The following KIF26B variants were observed in gnomAD, a reference collection of about 807,000 sequenced individuals.
KIF26B encodes kinesin family member 26B.
Under a neutral mutation model 151.2 loss-of-function variants are expected in KIF26B, and 63 were observed. The observed-to-expected ratio is 0.42, with a 90% CI of 0.34 to 0.51. The LOEUF is 0.51. Ranked by LOEUF, KIF26B falls within the 20% of genes least tolerant of loss-of-function variation. KIF26B has a pLI of 0.07. For synonymous variants in KIF26B, 1,357 were observed against 1,262.1 expected, an observed-to-expected ratio of 1.08 and a Z score of -1.59; for missense variants, 2,813 against 2,913.6, an observed-to-expected ratio of 0.97 and a Z score of 0.79.
chr1:245,471,779 C>T lies in KIF26B; in HGVS notation c.1166+52034C>T, dbSNP rs373558751. ...TAGAGCAATAAAGACAAGCCCCCTG[C>T]TCTCTTAGATCTTACTTTTTTTTTT... On this transcript the variant is annotated intron_variant, in intron 4 of 14. Coordinates refer to ENST00000407071, the MANE Select transcript of KIF26B (RefSeq NM_018012.4). Among the ~76,000 whole-genome samples, 4 of 146,150 alleles carry T rather than the reference C, an allele frequency of 2.7e-5. No individual in the cohort carries two copies. In the East Asian group the frequency reaches 8.1e-4, roughly 29 times the overall value.
intron 4 of KIF26B, among the ~76,000 whole-genome samples, chr1:245,460,675 A>G (rs1287734892): frequency 6.6e-6 from 1 of 152,244 alleles, no homozygotes; most frequent in African/African-American, 2.4e-5. Context: ...AAGAAATGCA[A>G]CGATGACAGA....
At chr1:245,323,976 C>T (rs1671936353) in intron 2 of KIF26B, among the ~76,000 whole-genome samples, 1 of 143,388 alleles carries the variant, frequency 7.0e-6, no homozygotes, top group Non-Finnish European at 1.5e-5. Context: ...GGGGTGGGCC[C>T]TGCCATGGGT....
intron 4 of KIF26B, among the ~76,000 whole-genome samples, chr1:245,517,041 G>T (rs1660984704): frequency 6.6e-6 from 1 of 152,206 alleles, no homozygotes; most frequent in African/African-American, 2.4e-5. Context: ...TTGTGGCACT[G>T]GGATAGGAAA....
chr1:245,632,555 A>C, intron 9 of KIF26B, among the ~76,000 whole-genome samples: 1 of 152,210 alleles, frequency 6.6e-6, no homozygotes, highest in Non-Finnish European at 1.5e-5. Flanking sequence ...AGTGCGGATT[A>C]AGTTCAATGT....
chr1:245,156,075 C>G (rs566871525), intron 1 of KIF26B, among the ~76,000 whole-genome samples: 5 of 152,160 alleles, frequency 3.3e-5, no homozygotes, highest in Non-Finnish European at 1.5e-5. Flanking sequence ...CGGGGACCAG[C>G]GCAGGGGTCA....
intron 4 of KIF26B, among the ~76,000 whole-genome samples, chr1:245,425,627 G>C (rs996541828): frequency 6.6e-6 from 1 of 152,108 alleles, no homozygotes; most frequent in Admixed American, 6.5e-5. Flanking sequence ...AGATGGTCTC[G>C]ATCTCCTGAC....
intron 2 of KIF26B, among the ~76,000 whole-genome samples, chr1:245,348,292 T>C (rs969196980): frequency 1.3e-5 from 2 of 152,202 alleles, no homozygotes; most frequent in Admixed American, 6.5e-5. Flanking sequence ...CTTCCAATGC[T>C]ATCAGTATAT....
At chr1:245,404,214 T>C (rs1674079330) in intron 3 of KIF26B, among the ~76,000 whole-genome samples, 1 of 151,818 alleles carries the variant, frequency 6.6e-6, no homozygotes, top group Admixed American at 6.6e-5. Context: ...GACTGATTTT[T>C]TTTTTTTTTT....
intron 4 of KIF26B, among the ~76,000 whole-genome samples, chr1:245,519,477 T>G (rs991359588): frequency 6.6e-6 from 1 of 150,918 alleles, no homozygotes; most frequent in Admixed American, 6.6e-5. Flanking sequence ...TTGCTTTAAC[T>G]CAGGAGGCAG....
At chr1:245,457,874 C>CT (rs1659569535) in intron 4 of KIF26B, among the ~76,000 whole-genome samples, 1 of 152,128 alleles carries the variant, frequency 6.6e-6, no homozygotes, top group Non-Finnish European at 1.5e-5. Context: ...ATCATGCTCC[C>CT]TTTTGCACAC....
chr1:245,197,733 G>A (rs1413001207), intron 2 of KIF26B, among the ~76,000 whole-genome samples: 1 of 152,190 alleles, frequency 6.6e-6, no homozygotes, highest in Admixed American at 6.5e-5. Context: ...CCCCGGGGAA[G>A]TGTATTTATA....
chr1:245,372,429 T>A (rs1398896108), intron 3 of KIF26B, among the ~76,000 whole-genome samples: 1 of 152,188 alleles, frequency 6.6e-6, no homozygotes, highest in Non-Finnish European at 1.5e-5. Flanking sequence ...GTAAATTGTG[T>A]GTCACTGGGG....
At chr1:245,344,794 T>C (rs1379534875) in intron 2 of KIF26B, among the ~76,000 whole-genome samples, 1 of 152,100 alleles carries the variant, frequency 6.6e-6, no homozygotes, top group Non-Finnish European at 1.5e-5. Context: ...CCATGTGTTG[T>C]GTGAGTGGTA....
In KIF26B at chr1:245,686,232, C is replaced by G. The variant is rs1231074985; in HGVS notation, c.3249C>G (p.Ser1083Arg). 6.2e-7 allele frequency: 1 copy of G among 1,612,766 alleles called. No individual in the cohort carries two copies. The highest frequency in any genetic ancestry group is 1.3e-5 in the African/African-American group (1 of 75,058). ...LSKTSEYKPP[S>R]SPSQRCKVYT... is the part of the protein sequence containing the mutation. ...AGACCTCGGAGTACAAGCCACCCAG[C>G]TCTCCTTCCCAGAGATGCAAAGTCT... The change falls in exon 12 of 15, where the codon AGC becomes AGG. Residue 1083 changes from serine to arginine, a missense_variant. Coordinates refer to ENST00000407071, the MANE Select transcript of KIF26B (RefSeq NM_018012.4). The surrounding 1 kb of genome is among the most constrained non-coding windows in gnomAD (Gnocchi z 5.6).
In KIF26B at chr1:245,232,777, C is replaced by T. The variant is rs185244988; in HGVS notation, c.465+76094C>T. Among the ~76,000 whole-genome samples, 23 of 152,184 alleles carry T rather than the reference C, an allele frequency of 1.5e-4. 1 individual carries two copies. The highest frequency in any genetic ancestry group is 1.4e-3 in the East Asian group (7 of 5,162). On this transcript the variant is annotated intron_variant, in intron 2 of 14. Transcript: ENST00000407071. ...GTTGGTCAGGCTGGTCTCGAACTCC[C>T]GACCTCAGGTGATCCACCCGCCTTG...
intron 2 of KIF26B, among the ~76,000 whole-genome samples, chr1:245,333,711 C>G (rs1672163653): frequency 6.6e-6 from 1 of 152,148 alleles, no homozygotes; most frequent in Non-Finnish European, 1.5e-5. Flanking sequence ...TTAAATATCT[C>G]CTCAGGCCGG....
chr1:245,356,183 A>G (rs996033331), intron 2 of KIF26B, among the ~76,000 whole-genome samples: 4 of 152,200 alleles, frequency 2.6e-5, no homozygotes, highest in African/African-American at 9.7e-5. Flanking sequence ...CAGTACTCCC[A>G]GGACACTAAA....
At chr1:245,309,341 A>G (rs1463631358) in intron 2 of KIF26B, among the ~76,000 whole-genome samples, 1 of 152,128 alleles carries the variant, frequency 6.6e-6, no homozygotes, top group African/African-American at 2.4e-5. Context: ...GTCTCATCCA[A>G]TCGGTCGAAG....
intron 2 of KIF26B, among the ~76,000 whole-genome samples, chr1:245,221,981 G>T (rs1296297679): frequency 6.6e-6 from 1 of 152,220 alleles, no homozygotes; most frequent in Non-Finnish European, 1.5e-5. Context: ...ATGACAGAAA[G>T]TGGCACTTGG....
Sources: allele counts gnomAD v4.1 joint callset (sites outside exome capture counted in the v4.1 genomes callset), GRCh38; gene constraint gnomAD v4.1.1; non-coding constraint Gnocchi (gnomAD v3.1); transcripts MANE v1.5; gene names NCBI Gene and HGNC (gene_info 2026-07-23, HGNC 2026-07-21).